Variants in CLUAP1 observed in about 807,000 individuals in gnomAD.
The protein encoded by CLUAP1 is clusterin-associated protein 1.
Under a neutral mutation model 55.0 loss-of-function variants are expected in CLUAP1, and 50 were observed. The ratio of observed to expected loss-of-function variants is 0.91; its 90% CI spans 0.72 to 1.15. CLUAP1 has a LOEUF of 1.15. CLUAP1 is among the 50% of genes most tolerant of loss of function. The pLI, the probability that CLUAP1 is intolerant of heterozygous loss-of-function variation, is 0.00. For missense variants in CLUAP1, 530 were observed against 507.6 expected (o/e 1.04, Z -0.42); for synonymous variants, 195 against 175.4 (o/e 1.11, Z -0.88).
chr16:3,495,820 A>AC, the CLUAP1 span, among the ~76,000 whole-genome samples: 19 of 152,198 alleles, frequency 1.2e-4, no homozygotes, highest in Admixed American at 3.3e-4. Context: ...AAATGCTGAA[A>AC]AGGGGCTGGG....
At chr16:3,499,036 G>C (rs2037340447), upstream of CLUAP1, among the ~76,000 whole-genome samples, 1 of 152,126 alleles carries the variant, frequency 6.6e-6, no homozygotes, top group Non-Finnish European at 1.5e-5. Context: ...TTTTGAAATG[G>C]GCAAAGAAAA....
At chr16:3,517,330 G>A (rs1357792371) in intron 6 of CLUAP1, among the ~76,000 whole-genome samples, 1 of 151,622 alleles carries the variant, frequency 6.6e-6, no homozygotes, top group Non-Finnish European at 1.5e-5. Context: ...TTTTTTAGAC[G>A]AAGTCTTGCT....
In CLUAP1 at chr16:3,524,328, G is replaced by A. The variant is rs538569605; in HGVS notation, c.855+1029G>A. ...AAAAGAAAAAAAAAAAGGGCCGGGC[G>A]CGGTGGCTCACGCCTGTAATCCCAG... On this transcript the variant is annotated intron_variant, in intron 8 of 11. Coordinates refer to ENST00000576634, the MANE Select transcript of CLUAP1 (RefSeq NM_015041.3). 2.4e-3 allele frequency among the ~76,000 whole-genome samples: 361 copies of A among 150,972 alleles called. 2 individuals are homozygous for A. The highest frequency in any genetic ancestry group is 8.6e-3 in the African/African-American group (355 of 41,208).
At chr16:3,529,701 TTATATATTATATA>T (rs2038056216) in intron 9 of CLUAP1, among the ~76,000 whole-genome samples, 2 of 19,350 alleles carry the variant, frequency 1.0e-4, no homozygotes, top group African/African-American at 2.8e-4. Flanking sequence ...ATATTATATA[TTATATATTATATA>T]ATATTATATA....
At chr16:3,499,959 C>T (rs536237855), upstream of CLUAP1, among the ~76,000 whole-genome samples, 1 of 152,382 alleles carries the variant, frequency 6.6e-6, no homozygotes, top group African/African-American at 2.4e-5. Context: ...TAAGGAAGCC[C>T]CCTCTGCTTT....
intron 1 of CLUAP1, among the ~76,000 whole-genome samples, chr16:3,503,114 A>G (rs2037438525): frequency 6.6e-6 from 1 of 151,686 alleles, no homozygotes; most frequent in Admixed American, 6.6e-5. Flanking sequence ...AACTGGAATT[A>G]TAGGCGCCCG....
Position 3,526,475 on chromosome 16 carries a change from A to C in CLUAP1, c.919A>C (p.Lys307Gln), listed in dbSNP as rs35603863. Reference protein sequence around the residue: ...KLKEEEKRLLKSGSNDDSDID... With the variant: ...KLKEEEKRLLQSGSNDDSDID... Reference sequence around the variant, plus strand: ...CAAGGAGGAAGAGAAGCGCCTGCTCAAGAGTGGAAGTAAGGCTGGGCTTCG... The same window carrying C: ...CAAGGAGGAAGAGAAGCGCCTGCTCCAGAGTGGAAGTAAGGCTGGGCTTCG... The change falls in exon 9 of 12, where the codon AAG becomes CAG. Residue 307 changes from lysine to glutamine, a missense_variant. Lys to Gln is a moderately conservative substitution (Grantham distance 53, BLOSUM62 1). Transcript: ENST00000576634. The C allele has an allele frequency of 2.5e-3, 4,089 of 1,606,140 alleles. 89 individuals carry two copies. In the African/African-American group the frequency reaches 0.049, roughly 19 times the overall value.
chr16:3,512,042 C>G (rs374703614), intron 4 of CLUAP1, among the ~76,000 whole-genome samples: 1 of 151,980 alleles, frequency 6.6e-6, no homozygotes, highest in Admixed American at 6.5e-5. Flanking sequence ...CAAAATTAGC[C>G]GGGCGTGGTG....
chr16:3,529,571 T>TATATTATATAATATTATATATTATATA (rs1567439570), intron 9 of CLUAP1, among the ~76,000 whole-genome samples: 11 of 49,288 alleles, frequency 2.2e-4, no homozygotes, highest in Middle Eastern at 0.015. Context: ...TTATATATTA[T>TATATTATATAATATTATATATTATATA]ATATTATATA....
intron 11 of CLUAP1, 77 bp downstream of exon 11, chr16:3,532,918 C>A: frequency 6.5e-7 from 1 of 1,528,456 alleles, no homozygotes; most frequent in Non-Finnish European, 9.1e-7. Context: ...GGCTGAGTTG[C>A]TGTCAGCAGC....
chr16:3,519,819 G>T, intron 6 of CLUAP1, 84 bp from the exon 7 acceptor site: 3 of 1,376,090 alleles, frequency 2.2e-6, no homozygotes, highest in Non-Finnish European at 2.9e-6. Flanking sequence ...ATGTTGCTAT[G>T]CCTGAAGAGT....
At chr16:3,508,841 G>C (rs1278450742) in intron 4 of CLUAP1, among the ~76,000 whole-genome samples, 1 of 152,088 alleles carries the variant, frequency 6.6e-6, no homozygotes, top group Non-Finnish European at 1.5e-5. Context: ...GCTGCCCAGA[G>C]TGATCTTAAA....
intron 6 of CLUAP1, among the ~76,000 whole-genome samples, chr16:3,519,540 A>G (rs534534482): frequency 6.6e-6 from 1 of 152,290 alleles, no homozygotes; most frequent in Admixed American, 6.5e-5. Context: ...CCCGAATGAT[A>G]AAAAGGCAGA....
intron 11 of CLUAP1, 125 bp downstream of exon 11, chr16:3,532,966 TG>T: frequency 1.5e-6 from 2 of 1,349,400 alleles, no homozygotes; most frequent in Non-Finnish European, 2.1e-6. Context: ...CGTGCCTCGA[TG>T]CGTGGCAGGG....
chr16:3,519,114 T>G (rs1051112805), intron 6 of CLUAP1, among the ~76,000 whole-genome samples: 2 of 152,230 alleles, frequency 1.3e-5, no homozygotes, highest in African/African-American at 4.8e-5. Context: ...AAGACGCATG[T>G]GAAGACGGCG....
chr16:3,531,631 G>A (rs1216421122), intron 10 of CLUAP1, among the ~76,000 whole-genome samples: 2 of 152,192 alleles, frequency 1.3e-5, no homozygotes, highest in African/African-American at 4.8e-5. Context: ...ACCTGGGAGG[G>A]CTCATGGCTA....
Position 3,538,719 on chromosome 16 carries a change from G to A in CLUAP1, c.*2448G>A, listed in dbSNP as rs2038284590. 1 of 152,180 alleles carries A rather than the reference G, an allele frequency of 6.6e-6. No individual in the cohort carries two copies. Among genetic ancestry groups the A allele is most frequent in the Non-Finnish European group, 1.5e-5 (1 of 68,036 alleles). The allele number at this position is 152,180 out of a possible 1,614,324, so 9.4% of individuals were successfully genotyped here. ...TTTGTGCAAGGTCTCACCATGTATA[G>A]CACTGCCTTGCTTGAGCACGGAAGT... On this transcript the variant is annotated 3_prime_UTR_variant, in exon 12 of 12. Transcript: ENST00000576634.
chr16:3,496,558 C>G (rs1253912019), upstream of CLUAP1: 1 of 546,592 alleles, frequency 1.8e-6, no homozygotes, highest in African/African-American at 1.9e-5. Flanking sequence ...GGGTGGGGGC[C>G]AAGATCCTGA....
upstream of CLUAP1, among the ~76,000 whole-genome samples, chr16:3,497,707 T>G (rs1163654168): frequency 6.6e-6 from 1 of 152,222 alleles, no homozygotes; most frequent in African/African-American, 2.4e-5. Context: ...CACTGCAACC[T>G]CAACTTACCA....
Sources: allele counts gnomAD v4.1 joint callset (sites outside exome capture counted in the v4.1 genomes callset), GRCh38; gene constraint gnomAD v4.1.1; transcripts MANE v1.5; gene names NCBI Gene and HGNC (gene_info 2026-07-23, HGNC 2026-07-21).